Variants in DHX37 observed in about 807,000 individuals in gnomAD.
The protein encoded by DHX37 is probable ATP-dependent RNA helicase DHX37.
DHX37 carries 52 observed loss-of-function variants against 134.3 expected under a neutral mutation model. The ratio of observed to expected loss-of-function variants is 0.39; its 90% CI spans 0.31 to 0.49. The LOEUF (loss-of-function observed/expected upper bound fraction) is 0.49. Ranked by LOEUF, DHX37 falls within the 20% of genes least tolerant of loss-of-function variation. DHX37 has a pLI of 0.93. For synonymous variants in DHX37, 634 were observed against 670.7 expected (o/e 0.95, Z 0.85); for missense variants, 1,344 against 1,580.8 (o/e 0.85, Z 2.54).
Position 124,965,769 on chromosome 12 carries a change from G to A in DHX37, c.1634C>T (p.Ala545Val). ...CTCCCTGTCCTCATCGCCTTCGCCT[G>A]CCGGTAACACCGAGTAATGATCCAA... The part of the protein sequence containing the change: ...INLDHYSVLP[A>V]GEGDEDREAE... The change falls in exon 13 of 27, where the codon GCA (alanine) becomes GTA (valine). Residue 545 changes from alanine (A) to valine (V), a missense_variant. Physicochemically the swap from Ala to Val is moderately conservative, Grantham distance 64 (BLOSUM62 0). Coordinates refer to ENST00000308736, the MANE Select transcript of DHX37 (RefSeq NM_032656.4). 1 of 1,613,944 alleles carries A rather than the reference G, an allele frequency of 6.2e-7. No individual in the cohort carries two copies. The highest frequency in any genetic ancestry group is 1.1e-5 in the South Asian group (1 of 91,014).
rs1954733348 is a variant in DHX37 at position 124,980,428 on chromosome 12, G to A, written c.738+62C>T. The A allele has an allele frequency of 2.5e-5, 39 of 1,551,128 alleles. No individual in the cohort carries two copies. The highest frequency in any genetic ancestry group is 4.0e-5 in the Admixed American group (2 of 49,598). On this transcript the variant is annotated intron_variant, in intron 4 of 26. Coordinates refer to ENST00000308736, the MANE Select transcript of DHX37 (RefSeq NM_032656.4). The surrounding 1 kb of genome is among the most constrained non-coding windows in gnomAD (Gnocchi z 5.3). ...TGCCCTTGCCCCACTTCACCAGGAC[G>A]CCCTCTGTGCGCCCCTTGCCCGCTA...
At position 124,980,439 on chromosome 12, in the gene DHX37, G is replaced by T; in HGVS notation, c.738+51C>A. 6.3e-7 allele frequency: 1 copy of T among 1,580,216 alleles called. No homozygotes were observed. On this transcript the variant is annotated intron_variant, in intron 4 of 26. Transcript: ENST00000308736. This position sits in a 1 kb window ranked among gnomAD's most constrained non-coding sequence, Gnocchi z 5.3. ...CACTTCACCAGGACGCCCTCTGTGC[G>T]CCCCTTGCCCGCTAACCTAGATTCT...
intron 10 of DHX37, among the ~76,000 whole-genome samples, chr12:124,968,146 G>A (rs1954433348): frequency 1.3e-5 from 2 of 152,024 alleles, no homozygotes. Context: ...ATCCATTTCA[G>A]TAACATGAGG....
chr12:124,950,280 G>T (rs1953950410), intron 23 of DHX37, 37 bp from the exon 24 acceptor site: 1 of 1,611,662 alleles, frequency 6.2e-7, no homozygotes, highest in East Asian at 2.2e-5. Context: ...GGACCCTCCT[G>T]CAGCTGCCCT....
chr12:124,966,678 T>C, intron 12 of DHX37, 115 bp downstream of exon 12: 2 of 1,157,002 alleles, frequency 1.7e-6, no homozygotes, highest in Non-Finnish European at 1.3e-6. Context: ...ACTGGATTTT[T>C]AACTTCATTT....
intron 26 of DHX37, 37 bp from the exon 27 acceptor site, chr12:124,947,924 C>G: frequency 6.2e-7 from 1 of 1,610,702 alleles, no homozygotes; most frequent in East Asian, 2.2e-5. Flanking sequence ...TCAGGGTGAC[C>G]CTGGGCCCAG....
At chr12:124,964,666 CAGAAA>C in intron 14 of DHX37, 40 bp from the exon 15 acceptor site, 1 of 1,603,638 alleles carries the variant, frequency 6.2e-7, no homozygotes, top group Non-Finnish European at 8.5e-7. Context: ...ACACCAGAAT[CAGAAA>C]AGAAATCGTG....
chr12:124,972,061 G>A (rs1289219395), intron 7 of DHX37, among the ~76,000 whole-genome samples: 5 of 152,172 alleles, frequency 3.3e-5, no homozygotes, highest in East Asian at 1.9e-4. Flanking sequence ...ACCCCACTCC[G>A]AGTCTGGTGC....
intron 2 of DHX37, 134 bp downstream of exon 2, chr12:124,985,962 C>T (rs1265878537): frequency 1.9e-6 from 2 of 1,077,940 alleles, no homozygotes; most frequent in Admixed American, 4.9e-5. Flanking sequence ...CCGCACTGGA[C>T]CATGCACTGG....
At chr12:124,951,742 T>C (rs10732575) in intron 21 of DHX37, among the ~76,000 whole-genome samples, 123,630 of 152,012 alleles carry the variant, frequency 0.81, 50,956 homozygotes, top group African/African-American at 0.95. Flanking sequence ...GAGGCCGAGG[T>C]GGGCAGATCA....
intron 21 of DHX37, 59 bp from the exon 22 acceptor site, chr12:124,950,863 A>G (rs966355190): frequency 1.3e-6 from 2 of 1,510,206 alleles, no homozygotes; most frequent in Non-Finnish European, 1.8e-6. Context: ...GGCTCCGCAT[A>G]CTTTCAACCC....
Position 124,954,228 on chromosome 12 carries a change from ATACT to A in DHX37, c.2454-21_2454-18del. The A allele has an allele frequency of 6.4e-7, 1 of 1,560,122 alleles. No homozygotes were observed. The highest frequency in any genetic ancestry group is 8.7e-7 in the Non-Finnish European group (1 of 1,153,972). On this transcript the variant is annotated intron_variant, in intron 18 of 26. Transcript: ENST00000308736. ...GCCGCTGGTCTGCAAACACACATAC[ATACT>A]GTCTGGGCTGGGGCCTCGGCTGCGC...
intron 6 of DHX37, among the ~76,000 whole-genome samples, chr12:124,973,339 G>A (rs1954559729): frequency 6.6e-6 from 1 of 151,998 alleles, no homozygotes; most frequent in Admixed American, 6.6e-5. Flanking sequence ...AGGAGGCAAA[G>A]GTTGCAGTGA....
Position 124,953,924 on chromosome 12 carries a change from G to A in DHX37, c.2651C>T (p.Ala884Val). 6.2e-7 allele frequency: 1 copy of A among 1,612,944 alleles called. No homozygotes were observed. ...CCGCAGGCGCCGGATCTCCATCATGGCTTTGTACCGCAGCCCGTTGGCTTC... is the reference window on the plus strand; with the variant it reads ...CCGCAGGCGCCGGATCTCCATCATGACTTTGTACCGCAGCCCGTTGGCTTC... ...FCEANGLRYK[A>V]MMEIRRLRGQ... Residue 884 changes from alanine (A) to valine (V), a missense_variant, in exon 20 of 27, where the codon GCC becomes GTC. Physicochemically the swap from Ala to Val is moderately conservative, Grantham distance 64. Around this residue, in one of 7 missense-constraint regions of DHX37, gnomAD observed 558 missense variants for 650.0 expected, o/e 0.86. Coordinates refer to ENST00000308736, the MANE Select transcript of DHX37 (RefSeq NM_032656.4).
At chr12:124,953,600 T>C (rs1445064381) in intron 20 of DHX37, 6 of 446,150 alleles carry the variant, frequency 1.3e-5, no homozygotes, top group African/African-American at 8.0e-5. Context: ...ACAGCGGTGA[T>C]GGAAAATGGC....
At chr12:124,981,051 C>G (rs1954749136) in intron 3 of DHX37, among the ~76,000 whole-genome samples, 1 of 151,954 alleles carries the variant, frequency 6.6e-6, no homozygotes, top group Non-Finnish European at 1.5e-5. Flanking sequence ...ACAGACCCCA[C>G]ATCTCACCCT....
Position 124,967,103 on chromosome 12 carries a change from G to T in DHX37, c.1504+20C>A. Reference sequence around the variant, plus strand: ...GCCCAGCTGCTCAGGGCAGAGTGCTGGTCGGGGCGTCCTCTTTACCTTGTG... The same window carrying T: ...GCCCAGCTGCTCAGGGCAGAGTGCTTGTCGGGGCGTCCTCTTTACCTTGTG... On this transcript the variant is annotated intron_variant, in intron 11 of 26. Coordinates refer to ENST00000308736, the MANE Select transcript of DHX37 (RefSeq NM_032656.4). 6.2e-7 allele frequency: 1 copy of T among 1,612,648 alleles called. No homozygotes were observed.
At chr12:124,975,632 A>T in intron 5 of DHX37, 121 bp from the exon 6 acceptor site, 3 of 1,007,252 alleles carry the variant, frequency 3.0e-6, no homozygotes, top group Non-Finnish European at 4.4e-6. Context: ...GGGCGGTGGG[A>T]AACAGTGCCA....
At chr12:124,960,452 C>T (rs1348576857) in intron 15 of DHX37, 29 bp from the exon 16 acceptor site, 1 of 1,601,072 alleles carries the variant, frequency 6.2e-7, no homozygotes, top group East Asian at 2.2e-5. Flanking sequence ...GGACAACAAA[C>T]ACAAAACTCA....
Sources: allele counts gnomAD v4.1 joint callset (sites outside exome capture counted in the v4.1 genomes callset), GRCh38; gene constraint gnomAD v4.1.1; regional missense constraint gnomAD v4.1.1; non-coding constraint Gnocchi (gnomAD v3.1); transcripts MANE v1.5; gene names NCBI Gene and HGNC (gene_info 2026-07-23, HGNC 2026-07-21).